The following ZRANB3 variants were observed in gnomAD, a reference collection of about 807,000 sequenced individuals.
ZRANB3 encodes the protein DNA annealing helicase and endonuclease ZRANB3.
Under a neutral mutation model 133.8 loss-of-function variants are expected in ZRANB3, and 125 were observed. That is an observed-to-expected ratio of 0.93 (90% CI 0.81 to 1.08). The LOEUF is 1.08. Among genes scored for constraint, ZRANB3 ranks in the 50% least tolerant of loss-of-function variants. ZRANB3 has a pLI of 0.00. For synonymous variants in ZRANB3, 387 were observed against 432.7 expected (o/e 0.89, Z 1.31); for missense variants, 1,229 against 1,275.5 (o/e 0.96, Z 0.56).
At chr2:135,305,720 T>C (rs964993459) in intron 8 of ZRANB3, among the ~76,000 whole-genome samples, 2 of 152,214 alleles carry the variant, frequency 1.3e-5, no homozygotes, top group Non-Finnish European at 2.9e-5. Context: ...TACAATTATT[T>C]TTTTCCAGGT....
rs1686677647 is a variant in ZRANB3, at chr2:135,381,211, C to T, written c.180+9591G>A. Among the ~76,000 whole-genome samples, 4 of 152,310 alleles carry T rather than the reference C, an allele frequency of 2.6e-5. No homozygotes were observed. In the South Asian group the frequency reaches 8.3e-4, roughly 32 times the overall value. On this transcript the variant is annotated intron_variant, in intron 3 of 20. Coordinates refer to ENST00000264159, the MANE Select transcript of ZRANB3 (RefSeq NM_032143.4). ...GCACACCAGGAGATTATATCCCATG[C>T]CTGGCTCGCAGGGTCCTACGCCCAC...
chr2:135,390,609 A>AAC (rs199759650), intron 3 of ZRANB3, among the ~76,000 whole-genome samples, 193 bp downstream of exon 3: 228 of 150,796 alleles, frequency 1.5e-3, no homozygotes, highest in African/African-American at 4.5e-3. Context: ...ATGTCTAGAA[A>AAC]ACACACACAC....
intron 14 of ZRANB3, among the ~76,000 whole-genome samples, chr2:135,224,841 A>C (rs1694696506): frequency 6.6e-6 from 1 of 152,164 alleles, no homozygotes. Context: ...GTCTTGAAAA[A>C]ATTTAGACTA....
intron 2 of ZRANB3, among the ~76,000 whole-genome samples, chr2:135,394,953 CAAAAAA>C (rs113220872): frequency 2.3e-4 from 10 of 43,374 alleles, no homozygotes; most frequent in Non-Finnish European, 4.5e-4. Context: ...CTTGTCTCTA[CAAAAAA>C]AAAAAAAAAA....
intron 3 of ZRANB3, among the ~76,000 whole-genome samples, chr2:135,377,724 A>C (rs57112887): frequency 0.069 from 10,508 of 152,244 alleles, 764 homozygotes; most frequent in African/African-American, 0.19. Context: ...AATTCCAAAT[A>C]ATTTATGTAT....
intron 2 of ZRANB3, among the ~76,000 whole-genome samples, chr2:135,445,194 A>C (rs1165798294): frequency 6.6e-6 from 1 of 152,212 alleles, no homozygotes; most frequent in Non-Finnish European, 1.5e-5. Flanking sequence ...CTGTAATTCC[A>C]GCATTTTGGG....
chr2:135,353,627 A>G lies in ZRANB3; in HGVS notation c.182T>C (p.Met61Thr). The G allele has an allele frequency of 6.9e-7, 1 of 1,452,856 alleles. No homozygotes were observed. The highest frequency in any genetic ancestry group is 1.5e-5 in the South Asian group (1 of 66,292). The allele number at this position is 1,452,856 out of a possible 1,614,324, so 90.0% of individuals were successfully genotyped here. The stretch of plus-strand genomic sequence containing the variant: ...TGCCTGGATTGTCTTTCCTAGACCC[A>G]TCTAAATTAAAAAATAAATAAATGT... The part of the protein sequence containing the change: ...RNGRCMVADE[M>T]GLGKTIQAIG... The change falls in exon 4 of 21, where the codon ATG (methionine) becomes ACG (threonine). Residue 61 changes from methionine (M) to threonine (T), a missense_variant and splice_region_variant. Physicochemically the swap from Met to Thr is moderately conservative, Grantham distance 81. Coordinates refer to ENST00000264159, the MANE Select transcript of ZRANB3 (RefSeq NM_032143.4).
chr2:135,369,223 T>TA (rs1416915305), intron 3 of ZRANB3, among the ~76,000 whole-genome samples: 1 of 151,984 alleles, frequency 6.6e-6, no homozygotes, highest in African/African-American at 2.4e-5. Flanking sequence ...TCAAAACTGT[T>TA]ACGGTAAAAA....
At chr2:135,302,912 G>C (rs1328249059) in intron 8 of ZRANB3, among the ~76,000 whole-genome samples, 2 of 152,024 alleles carry the variant, frequency 1.3e-5, no homozygotes, top group African/African-American at 4.8e-5. Context: ...TCTGTATTCA[G>C]TATTATATAC....
chr2:135,339,111 CA>C (rs975362326), intron 6 of ZRANB3, among the ~76,000 whole-genome samples: 40 of 151,514 alleles, frequency 2.6e-4, no homozygotes, highest in South Asian at 8.4e-4. Context: ...CCCGTATCTA[CA>C]AAAAAAAATT....
At chr2:135,397,440 C>G (rs191870246) in intron 2 of ZRANB3, among the ~76,000 whole-genome samples, 3 of 145,692 alleles carry the variant, frequency 2.1e-5, no homozygotes, top group Admixed American at 7.0e-5. Flanking sequence ...AAAGCCAGAC[C>G]CTGACTCAAA....
intron 2 of ZRANB3, among the ~76,000 whole-genome samples, chr2:135,460,107 G>A (rs948454059): frequency 1.3e-5 from 2 of 152,092 alleles, no homozygotes; most frequent in African/African-American, 2.4e-5. Context: ...GGGTCAGGAT[G>A]TGCGAAATTT....
At chr2:135,402,456 G>T (rs1386409254) in intron 2 of ZRANB3, among the ~76,000 whole-genome samples, 6 of 151,546 alleles carry the variant, frequency 4.0e-5, no homozygotes, top group African/African-American at 1.5e-4. Context: ...CACCACGTCC[G>T]GCTAATTTTT....
chr2:135,528,139 C>T (rs1474943459), intron 1 of ZRANB3, among the ~76,000 whole-genome samples: 1 of 151,276 alleles, frequency 6.6e-6, no homozygotes, highest in African/African-American at 2.4e-5. Flanking sequence ...GACCTTAAAG[C>T]TCTTTTTTTT....
intron 12 of ZRANB3, among the ~76,000 whole-genome samples, chr2:135,264,562 G>T (rs1306802974): frequency 6.6e-6 from 1 of 151,780 alleles, no homozygotes; most frequent in African/African-American, 2.4e-5. Flanking sequence ...AAAACACTCA[G>T]TAAAAAGTTT....
chr2:135,308,889 A>G lies in ZRANB3; in HGVS notation c.966+4600T>C, dbSNP rs547459685. Among the ~76,000 whole-genome samples, 8 of 152,190 alleles carry G rather than the reference A, an allele frequency of 5.3e-5. No homozygotes were observed. The East Asian group carries it at 1.4e-3, about 26-fold the overall frequency. On this transcript the variant is annotated intron_variant, in intron 8 of 20. Transcript: ENST00000264159. ...TTCTCCGCCAAAGGAAAAAAAGTTC[A>G]TATGTTCCATTTCTTCTCTAAACAA...
At chr2:135,244,173 GA>G (rs1458247821) in intron 12 of ZRANB3, among the ~76,000 whole-genome samples, 3 of 149,152 alleles carry the variant, frequency 2.0e-5, no homozygotes, top group African/African-American at 7.5e-5. Context: ...CAACAAAACA[GA>G]ACAACAAAGA....
intron 8 of ZRANB3, among the ~76,000 whole-genome samples, chr2:135,299,331 A>C (rs548951636): frequency 6.6e-6 from 1 of 152,280 alleles, no homozygotes; most frequent in Non-Finnish European, 1.5e-5. Context: ...GGCAGCCAGC[A>C]AGGCCAGTCT....
chr2:135,308,265 G>A (rs1315173742), intron 8 of ZRANB3, among the ~76,000 whole-genome samples: 2 of 152,056 alleles, frequency 1.3e-5, no homozygotes, highest in African/African-American at 4.8e-5. Context: ...AGGGTTTCCT[G>A]CCCACTCCCC....
Sources: allele counts gnomAD v4.1 joint callset (sites outside exome capture counted in the v4.1 genomes callset), GRCh38; gene constraint gnomAD v4.1.1; transcripts MANE v1.5; gene names NCBI Gene and HGNC (gene_info 2026-07-23, HGNC 2026-07-21).